Variants in TRMT11 observed in about 807,000 individuals in gnomAD.
TRMT11 encodes tRNA methyltransferase 11, also known as tRNA (guanine(10)-N(2))-methyltransferase TRMT11.
TRMT11 carries 53 observed loss-of-function variants against 62.8 expected under a neutral mutation model. The ratio of observed to expected loss-of-function variants is 0.84; its 90% CI spans 0.68 to 1.06. TRMT11 has a LOEUF of 1.06. Ranked by LOEUF, TRMT11 falls within the 50% of genes least tolerant of loss-of-function variation. The pLI, the probability that TRMT11 is intolerant of heterozygous loss-of-function variation, is 0.00. For missense variants in TRMT11, 556 were observed against 553.4 expected (o/e 1.00, Z -0.05); for synonymous variants, 188 against 190.3 (o/e 0.99, Z 0.10).
chr6:126,130,614 C>G (rs1441038494), intron 21 of TRMT11, among the ~76,000 whole-genome samples: 2 of 151,928 alleles, frequency 1.3e-5, no homozygotes, highest in Non-Finnish European at 2.9e-5. Context: ...ACTTCTGATT[C>G]TCCAAAGTGG....
chr6:126,195,700 C>A (rs904341780), intron 1 of TRMT11, among the ~76,000 whole-genome samples: 7 of 152,262 alleles, frequency 4.6e-5, no homozygotes, highest in African/African-American at 1.4e-4. Context: ...TTCATCAGCC[C>A]TGGGGGTGAC....
chr6:126,254,501 A>G, the TRMT11 span, among the ~76,000 whole-genome samples: 5 of 152,218 alleles, frequency 3.3e-5, no homozygotes, highest in African/African-American at 1.2e-4. Flanking sequence ...TGGCTCCTAC[A>G]TCGTGAGTCT....
intron 21 of TRMT11, among the ~76,000 whole-genome samples, chr6:126,151,808 T>G (rs534990011): frequency 3.8e-5 from 3 of 78,094 alleles, no homozygotes; most frequent in Non-Finnish European, 8.5e-5. Context: ...TCTCTGTCTT[T>G]TCTTTCTTTC....
At chr6:126,136,332 A>G (rs1352294126) in intron 21 of TRMT11, among the ~76,000 whole-genome samples, 1 of 151,774 alleles carries the variant, frequency 6.6e-6, no homozygotes, top group East Asian at 1.9e-4. Context: ...CAAGATACAA[A>G]TAACATATAA....
intron 21 of TRMT11, among the ~76,000 whole-genome samples, chr6:126,117,809 C>T (rs543206956): frequency 2.6e-5 from 4 of 152,122 alleles, no homozygotes; most frequent in South Asian, 2.1e-4. Context: ...TGGAGTCAGG[C>T]GATGTGGATT....
chr6:126,265,143 T>C, the TRMT11 span, among the ~76,000 whole-genome samples: 1 of 152,200 alleles, frequency 6.6e-6, no homozygotes, highest in Non-Finnish European at 1.5e-5. Flanking sequence ...TGTTAATGTA[T>C]AGTATTGAGT....
the TRMT11 span, among the ~76,000 whole-genome samples, chr6:126,246,026 C>A: frequency 6.6e-6 from 1 of 152,092 alleles, no homozygotes; most frequent in South Asian, 2.1e-4. Context: ...GTAATTCTAA[C>A]ACTTTGGGAG....
At chr6:126,106,798 A>G (rs1777469804) in intron 17 of TRMT11, among the ~76,000 whole-genome samples, 1 of 152,134 alleles carries the variant, frequency 6.6e-6, no homozygotes, top group African/African-American at 2.4e-5. Context: ...AATACATGTT[A>G]CCTATGACTT....
At chr6:126,200,615 C>G (rs573399811) in intron 3 of TRMT11, among the ~76,000 whole-genome samples, 4 of 152,184 alleles carry the variant, frequency 2.6e-5, no homozygotes, top group African/African-American at 7.2e-5. Context: ...AGTGCAGTGG[C>G]ACAATCTCGG....
intron 21 of TRMT11, among the ~76,000 whole-genome samples, chr6:126,151,955 T>C (rs1583890957): frequency 3.9e-5 from 5 of 127,878 alleles, no homozygotes; most frequent in African/African-American, 1.5e-4. Context: ...TTTCTTTCTT[T>C]CTTTTCTTTC....
chr6:126,183,566 T>C (rs1778492558), intron 1 of TRMT11, among the ~76,000 whole-genome samples: 1 of 152,122 alleles, frequency 6.6e-6, no homozygotes, highest in South Asian at 2.1e-4. Flanking sequence ...GGAGGGCCTT[T>C]TAAAGAGGTC....
chr6:126,256,750 T>C, the TRMT11 span, among the ~76,000 whole-genome samples: 1 of 152,226 alleles, frequency 6.6e-6, no homozygotes, highest in African/African-American at 2.4e-5. Context: ...CTCATTCCTA[T>C]GAGCTCTGGG....
chr6:126,045,444 T>C (rs943670641), intron 16 of TRMT11, among the ~76,000 whole-genome samples: 7 of 152,130 alleles, frequency 4.6e-5, no homozygotes, highest in African/African-American at 1.7e-4. Flanking sequence ...AGGAAGTCCT[T>C]AGTAATTGTT....
the TRMT11 span, among the ~76,000 whole-genome samples, chr6:126,224,777 G>T: frequency 6.6e-6 from 1 of 152,238 alleles, no homozygotes; most frequent in Non-Finnish European, 1.5e-5. Context: ...AGGGTGGCAA[G>T]GTTGGTGCAC....
At chr6:126,212,153 T>A in the TRMT11 span, among the ~76,000 whole-genome samples, 3 of 152,216 alleles carry the variant, frequency 2.0e-5, no homozygotes, top group Non-Finnish European at 2.9e-5. Context: ...TACCACATTT[T>A]CTTTATCCAT....
upstream of TRMT11, among the ~76,000 whole-genome samples, chr6:126,173,972 T>G (rs1018489913): frequency 2.0e-5 from 3 of 152,182 alleles, no homozygotes; most frequent in Admixed American, 6.5e-5. Context: ...CAACAGATAG[T>G]GTGAGAAGCA....
the TRMT11 span, among the ~76,000 whole-genome samples, chr6:126,254,314 A>G: frequency 6.6e-6 from 1 of 152,192 alleles, no homozygotes; most frequent in Non-Finnish European, 1.5e-5. Context: ...AACATTGTAC[A>G]TTTCTAAGGA....
At chr6:126,140,575 T>G (rs1232732075) in intron 21 of TRMT11, among the ~76,000 whole-genome samples, 1 of 152,078 alleles carries the variant, frequency 6.6e-6, no homozygotes, top group Non-Finnish European at 1.5e-5. Context: ...TAAAAATTCT[T>G]TGAGCTGATT....
chr6:126,156,921 C>T (rs1449111825), intron 21 of TRMT11, among the ~76,000 whole-genome samples: 1 of 152,194 alleles, frequency 6.6e-6, no homozygotes, highest in Non-Finnish European at 1.5e-5. Flanking sequence ...CTATATCACT[C>T]ATACACAGGC....
Sources: gnomAD v4.1 joint callset for allele counts (sites outside exome capture counted in the v4.1 genomes callset) on GRCh38, gnomAD v4.1.1 for gene constraint, MANE v1.5 for transcripts, NCBI Gene and HGNC (gene_info 2026-07-23, HGNC 2026-07-21) for gene names.